Variants in CEP85L observed in about 807,000 individuals in gnomAD.
The protein encoded by CEP85L is centrosomal protein of 85 kDa-like.
CEP85L carries 60 observed loss-of-function variants against 100.3 expected under a neutral mutation model. The ratio of observed to expected loss-of-function variants is 0.60; its 90% CI spans 0.49 to 0.74. CEP85L has a LOEUF of 0.74. Among genes scored for constraint, CEP85L ranks in the 30% least tolerant of loss-of-function variants. The pLI is 0.00. For synonymous variants in CEP85L, 319 were observed against 322.7 expected, an observed-to-expected ratio of 0.99 and a Z score of 0.12; for missense variants, 973 against 936.2, an observed-to-expected ratio of 1.04 and a Z score of -0.51.
upstream of CEP85L, chr6:118,651,768 T>C: frequency 1.0e-6 from 1 of 986,140 alleles, no homozygotes; most frequent in Non-Finnish European, 1.2e-6. Flanking sequence ...GCGACTGGGC[T>C]GTCCCGCCCT....
At chr6:118,583,865 A>G (rs1286925060) in intron 2 of CEP85L, among the ~76,000 whole-genome samples, 1 of 152,216 alleles carries the variant, frequency 6.6e-6, no homozygotes, top group Non-Finnish European at 1.5e-5. Context: ...CAATCCATCC[A>G]GTGGTCCCTA....
intron 3 of CEP85L, among the ~76,000 whole-genome samples, chr6:118,555,091 AATT>A (rs1295860837): frequency 6.6e-6 from 1 of 152,220 alleles, no homozygotes; most frequent in African/African-American, 2.4e-5. Flanking sequence ...TACCAAGTCT[AATT>A]ATTATTCCTT....
intron 6 of CEP85L, among the ~76,000 whole-genome samples, chr6:118,486,362 T>C (rs1299899162): frequency 6.6e-6 from 1 of 152,226 alleles, no homozygotes; most frequent in Non-Finnish European, 1.5e-5. Context: ...GCAATACTGA[T>C]ATCATTCCTA....
chr6:118,707,819 G>T (rs901260238), intron 1 of CEP85L, among the ~76,000 whole-genome samples: 2 of 151,972 alleles, frequency 1.3e-5, no homozygotes, highest in Non-Finnish European at 2.9e-5. Flanking sequence ...CTGAACCAAT[G>T]AACATATATA....
intron 4 of CEP85L, 30 bp downstream of exon 4, chr6:118,523,772 G>A (rs763622152): frequency 9.1e-7 from 1 of 1,099,006 alleles, no homozygotes; most frequent in African/African-American, 1.6e-5. Flanking sequence ...CTGTAGGCCT[G>A]AAATATTTAA....
chr6:118,589,101 C>A, intron 2 of CEP85L: 1 of 318,292 alleles, frequency 3.1e-6, no homozygotes, highest in Non-Finnish European at 6.6e-6. Flanking sequence ...GCAAAGAGAC[C>A]CAGGGATGAT....
At chr6:118,601,217 A>C (rs569163264) in intron 2 of CEP85L, among the ~76,000 whole-genome samples, 1 of 152,256 alleles carries the variant, frequency 6.6e-6, no homozygotes, top group South Asian at 2.1e-4. Flanking sequence ...AACATGTGTA[A>C]AGTGCCTAAA....
intron 2 of CEP85L, among the ~76,000 whole-genome samples, chr6:118,596,793 T>C (rs1466233145): frequency 6.6e-6 from 1 of 152,240 alleles, no homozygotes; most frequent in Non-Finnish European, 1.5e-5. Context: ...CTGTTATTTA[T>C]TGTAAGTCTT....
chr6:118,617,706 TTCTC>T (rs1424161120), intron 2 of CEP85L, among the ~76,000 whole-genome samples: 1 of 152,126 alleles, frequency 6.6e-6, no homozygotes, highest in Non-Finnish European at 1.5e-5. Flanking sequence ...CTACAGCTCA[TTCTC>T]TCTCTTGGTC....
intron 2 of CEP85L, among the ~76,000 whole-genome samples, chr6:118,627,409 T>A (rs1447820031): frequency 6.6e-6 from 1 of 151,966 alleles, no homozygotes; most frequent in Non-Finnish European, 1.5e-5. Context: ...CTGAACAAAG[T>A]GAAAAAGCAA....
chr6:118,506,757 T>C (rs986467075), intron 5 of CEP85L, among the ~76,000 whole-genome samples: 4 of 152,178 alleles, frequency 2.6e-5, no homozygotes, highest in African/African-American at 4.8e-5. Context: ...CTTAATCATA[T>C]AGAAAAACAA....
chr6:118,563,216 C>A (rs950545202), intron 3 of CEP85L, among the ~76,000 whole-genome samples: 1 of 152,294 alleles, frequency 6.6e-6, no homozygotes, highest in Middle Eastern at 3.4e-3. Flanking sequence ...CAGAGTACTA[C>A]ACTCCTGCAC....
intron 2 of CEP85L, among the ~76,000 whole-genome samples, chr6:118,624,820 A>G (rs1459872228): frequency 2.0e-5 from 3 of 152,224 alleles, no homozygotes; most frequent in Admixed American, 2.0e-4. Context: ...AACATGTCCA[A>G]CAAGTAATTA....
At position 118,551,008 on chromosome 6, in the gene CEP85L, CCAAT is replaced by C. The variant is rs367575241; in HGVS notation, c.1020+14517_1020+14520del. 1.8e-3 allele frequency among the ~76,000 whole-genome samples: 276 copies of C among 151,794 alleles called. 2 individuals are homozygous for C. The highest frequency in any genetic ancestry group is 8.9e-3 in the East Asian group (46 of 5,174). On this transcript the variant is annotated intron_variant, in intron 3 of 12. Coordinates refer to ENST00000368491, the MANE Select transcript of CEP85L (RefSeq NM_001042475.3). ...CAGACTTTAAAAAAAATAACACACC[CCAAT>C]CAATCAAAGTTTCCTTTTATTTGTT...
intron 4 of CEP85L, among the ~76,000 whole-genome samples, chr6:118,520,034 G>C (rs1776565463): frequency 6.6e-6 from 1 of 152,110 alleles, no homozygotes; most frequent in Non-Finnish European, 1.5e-5. Context: ...CAGCTACCTA[G>C]AATAGAAGTA....
At chr6:118,708,177 A>C (rs566144182) in intron 1 of CEP85L, among the ~76,000 whole-genome samples, 1 of 152,350 alleles carries the variant, frequency 6.6e-6, no homozygotes, top group African/African-American at 2.4e-5. Context: ...TATTGCCATC[A>C]CTTCACAGAT....
chr6:118,522,540 G>A (rs1318938491), intron 4 of CEP85L, among the ~76,000 whole-genome samples: 1 of 152,042 alleles, frequency 6.6e-6, no homozygotes, highest in Admixed American at 6.6e-5. Flanking sequence ...AAGTATGGAA[G>A]TATCAAGTTT....
intron 2 of CEP85L, among the ~76,000 whole-genome samples, chr6:118,610,479 A>G (rs1223577186): frequency 6.6e-6 from 1 of 152,186 alleles, no homozygotes; most frequent in Non-Finnish European, 1.5e-5. Flanking sequence ...GAGACTGAGG[A>G]CTTTCACCAT....
At chr6:118,667,670 C>G (rs865914422) in intron 1 of CEP85L, among the ~76,000 whole-genome samples, 39 of 152,150 alleles carry the variant, frequency 2.6e-4, no homozygotes, top group African/African-American at 9.4e-4. Flanking sequence ...ATTCATTTCT[C>G]TATTCACAAG....
Sources: allele counts gnomAD v4.1 joint callset (sites outside exome capture counted in the v4.1 genomes callset), GRCh38; gene constraint gnomAD v4.1.1; transcripts MANE v1.5; gene names NCBI Gene and HGNC (gene_info 2026-07-23, HGNC 2026-07-21).